The following HECW2 variants were observed in gnomAD, a reference collection of about 807,000 sequenced individuals.
The protein encoded by HECW2 is E3 ubiquitin-protein ligase HECW2.
A neutral mutation model predicts 175.2 loss-of-function variants in HECW2; 61 were observed. That is an observed-to-expected ratio of 0.35 (90% CI 0.28 to 0.43). The LOEUF is 0.43. Among genes scored for constraint, HECW2 ranks in the 20% least tolerant of loss-of-function variants. The pLI is 1.00. For missense variants in HECW2, 1,524 were observed against 2,000.5 expected (o/e 0.76, Z 4.54); for synonymous variants, 671 against 731.0 (o/e 0.92, Z 1.32).
intron 1 of HECW2, among the ~76,000 whole-genome samples, chr2:196,499,916 T>G (rs1687520146): frequency 6.6e-6 from 1 of 152,172 alleles, no homozygotes; most frequent in Non-Finnish European, 1.5e-5. Flanking sequence ...TGTATGACCT[T>G]TCAAAGAGAC....
At chr2:196,390,674 T>G (rs1694480478) in intron 2 of HECW2, among the ~76,000 whole-genome samples, 1 of 152,196 alleles carries the variant, frequency 6.6e-6, no homozygotes, top group South Asian at 2.1e-4. Context: ...TGTTTTTTAT[T>G]AACACAACAG....
intron 2 of HECW2, among the ~76,000 whole-genome samples, chr2:196,406,564 C>A (rs1404271197): frequency 1.3e-5 from 2 of 152,204 alleles, no homozygotes; most frequent in Non-Finnish European, 2.9e-5. Flanking sequence ...TGCTTAAAAT[C>A]CTGGTCTCCA....
chr2:196,292,485 T>C (rs917539017), intron 14 of HECW2, 80 bp downstream of exon 14: 19 of 1,232,132 alleles, frequency 1.5e-5, no homozygotes, highest in Non-Finnish European at 2.2e-5. Context: ...TGGCCCTCAC[T>C]TGAAGGGTAG....
chr2:196,349,552 T>C (rs1221185021), intron 2 of HECW2, among the ~76,000 whole-genome samples: 1 of 150,528 alleles, frequency 6.6e-6, no homozygotes, highest in Non-Finnish European at 1.5e-5. Context: ...CGCGCACACA[T>C]GCGTACCTTG....
chr2:196,214,925 T>G (rs1238503590), intron 28 of HECW2, among the ~76,000 whole-genome samples: 19 of 152,194 alleles, frequency 1.2e-4, no homozygotes, highest in Admixed American at 9.8e-4. Flanking sequence ...ATATCACTAA[T>G]AAAATAGGTT....
At position 196,319,351 on chromosome 2, in the gene HECW2, A is replaced by C; in HGVS notation, c.1539T>G (p.Val513=). 3 of 1,614,144 alleles carry C rather than the reference A, an allele frequency of 1.9e-6. No homozygotes were observed. The highest frequency in any genetic ancestry group is 3.3e-5 in the Admixed American group (2 of 60,024). The change falls in exon 9 of 29, where the codon GTT becomes GTG. Residue 513 remains valine (V), a synonymous_variant. Transcript: ENST00000644978. ...TSQTKLEDNP[V]ENEEASTHEA... is the part of the protein sequence containing the mutation. ...CGTGTGTGGAGGCTTCCTCATTCTCAACAGGGTTGTCCTCCAGCTTTGTCT... is the reference window on the plus strand; with the variant it reads ...CGTGTGTGGAGGCTTCCTCATTCTCCACAGGGTTGTCCTCCAGCTTTGTCT...
At chr2:196,475,966 C>G (rs973598218) in intron 1 of HECW2, among the ~76,000 whole-genome samples, 2 of 152,196 alleles carry the variant, frequency 1.3e-5, no homozygotes, top group Non-Finnish European at 2.9e-5. Context: ...TTTCCAGCCT[C>G]GGACCCGCTG....
chr2:196,382,677 C>T (rs1319903724), intron 2 of HECW2, among the ~76,000 whole-genome samples: 3 of 152,004 alleles, frequency 2.0e-5, no homozygotes, highest in Non-Finnish European at 4.4e-5. Context: ...TGTAGCAATA[C>T]GTGCCCTACT....
In HECW2 at chr2:196,319,875, G is replaced by A. The variant is rs144380197; in HGVS notation, c.1015C>T (p.Leu339Phe). ...TCTCCATTCACAGAATTGACTCCAAGTATTGTGCCAACAGCTTCTGGAGAG... is the reference window on the plus strand; with the variant it reads ...TCTCCATTCACAGAATTGACTCCAAATATTGTGCCAACAGCTTCTGGAGAG... ...DASPEAVGTILGVNSVNGDLG... is the reference protein window; with the variant it reads ...DASPEAVGTIFGVNSVNGDLG... Residue 339 changes from leucine (L) to phenylalanine (F), a missense_variant, in exon 9 of 29, where the codon CTT becomes TTT. By Grantham distance (22) the Leu-to-Phe change is conservative (BLOSUM62 0). Around this residue, in one of 11 missense-constraint regions of HECW2, gnomAD observed 604 missense variants for 588.3 expected, o/e 1.03. Coordinates refer to ENST00000644978, the MANE Select transcript of HECW2 (RefSeq NM_001348768.2). 30 of 1,610,100 alleles carry A rather than the reference G, an allele frequency of 1.9e-5. No homozygotes were observed. Among genetic ancestry groups the A allele is most frequent in the Non-Finnish European group, 2.3e-5 (27 of 1,177,028 alleles).
intron 18 of HECW2, among the ~76,000 whole-genome samples, chr2:196,256,725 C>A (rs1381123895): frequency 6.6e-6 from 1 of 152,280 alleles, no homozygotes; most frequent in East Asian, 1.9e-4. Flanking sequence ...CGTTAATTGA[C>A]CAGTAGTCTT....
chr2:196,305,024 TC>T (rs1168479989), intron 13 of HECW2, among the ~76,000 whole-genome samples: 3 of 152,158 alleles, frequency 2.0e-5, no homozygotes, highest in African/African-American at 7.2e-5. Context: ...TAATCTCAAA[TC>T]CAAACCTGTC....
intron 1 of HECW2, among the ~76,000 whole-genome samples, chr2:196,534,760 A>C (rs1688961427): frequency 6.6e-6 from 1 of 152,190 alleles, no homozygotes; most frequent in South Asian, 2.1e-4. Flanking sequence ...GTCAGTCTCT[A>C]CTGTGAAACA....
intron 1 of HECW2, among the ~76,000 whole-genome samples, chr2:196,461,582 T>C (rs1696745821): frequency 6.6e-6 from 1 of 152,122 alleles, no homozygotes; most frequent in South Asian, 2.1e-4. Flanking sequence ...CAAGACTGGG[T>C]AATTTATAAA....
chr2:196,305,302 G>A (rs1205286434), intron 13 of HECW2, among the ~76,000 whole-genome samples: 1 of 152,178 alleles, frequency 6.6e-6, no homozygotes, highest in Non-Finnish European at 1.5e-5. Context: ...TAGCTAGCAT[G>A]TTATTCGTTG....
chr2:196,521,311 A>T (rs1408364988), intron 1 of HECW2, among the ~76,000 whole-genome samples: 1 of 150,186 alleles, frequency 6.7e-6, no homozygotes, highest in Admixed American at 6.6e-5. Flanking sequence ...AAAAAAAGAA[A>T]GAAAAAGAAA....
At chr2:196,418,043 C>T (rs1469239636) in intron 2 of HECW2, among the ~76,000 whole-genome samples, 1 of 152,138 alleles carries the variant, frequency 6.6e-6, no homozygotes, top group African/African-American at 2.4e-5. Flanking sequence ...CATTCATTAA[C>T]ATATTTGAGT....
chr2:196,259,010 G>A (rs1010768541), intron 17 of HECW2, among the ~76,000 whole-genome samples: 1 of 152,162 alleles, frequency 6.6e-6, no homozygotes, highest in Non-Finnish European at 1.5e-5. Flanking sequence ...GCCTTACTCT[G>A]TCGTCCAGGC....
intron 2 of HECW2, among the ~76,000 whole-genome samples, chr2:196,354,586 C>G (rs888186126): frequency 1.3e-5 from 2 of 152,198 alleles, no homozygotes; most frequent in African/African-American, 4.8e-5. Context: ...AATATTAGTA[C>G]TATATTCTTT....
intron 1 of HECW2, among the ~76,000 whole-genome samples, chr2:196,546,260 C>T (rs144062853): frequency 3.1e-3 from 471 of 152,266 alleles, no homozygotes; most frequent in Middle Eastern, 0.017. Flanking sequence ...TCTTAATTAA[C>T]CCAAGCCACA....
Sources: gnomAD v4.1 joint callset for allele counts (sites outside exome capture counted in the v4.1 genomes callset) on GRCh38, gnomAD v4.1.1 for gene constraint, gnomAD v4.1.1 regional missense constraint, MANE v1.5 for transcripts, NCBI Gene and HGNC (gene_info 2026-07-23, HGNC 2026-07-21) for gene names.